Variants in DIS3 observed in about 807,000 individuals in gnomAD.
The protein encoded by DIS3 is exosome complex exonuclease RRP44.
DIS3 carries 103 observed loss-of-function variants against 113.0 expected under a neutral mutation model. That is an observed-to-expected ratio of 0.91 (90% CI 0.78 to 1.07). The LOEUF (loss-of-function observed/expected upper bound fraction) is 1.07, where lower values mean the gene tolerates loss of function less well. Among genes scored for constraint, DIS3 ranks in the 50% least tolerant of loss-of-function variants. DIS3 has a pLI of 0.00. For synonymous variants in DIS3, 402 were observed against 394.3 expected (o/e 1.02, Z -0.23); for missense variants, 1,121 against 1,167.1 (o/e 0.96, Z 0.58).
At chr13:72,762,601 T>C (rs1202406467) in intron 16 of DIS3, among the ~76,000 whole-genome samples, 4 of 152,074 alleles carry the variant, frequency 2.6e-5, no homozygotes, top group Admixed American at 6.5e-5. Flanking sequence ...AGCTCTCTTC[T>C]AGATGGGAAG....
intron 16 of DIS3, among the ~76,000 whole-genome samples, chr13:72,762,525 ATC>A: frequency 6.6e-6 from 1 of 152,198 alleles, no homozygotes; most frequent in Non-Finnish European, 1.5e-5. Flanking sequence ...TAAAGGTCTG[ATC>A]CAAAATCAGA....
chr13:72,772,761 G>A lies in DIS3; in HGVS notation c.1318C>T (p.Pro440Ser), dbSNP rs757109779. ...ACAGCCTGTGAAAAAGGCTGATGGGGAACATCGTGTTCAAGTAACAAAACT... is the reference window on the plus strand; with the variant it reads ...ACAGCCTGTGAAAAAGGCTGATGGGAAACATCGTGTTCAAGTAACAAAACT... ...TEVLLLEHDV[P>S]HQPFSQAVLS... Residue 440 changes from proline to serine, a missense_variant, in exon 9 of 21, where the codon CCC becomes TCC. Pro to Ser is a moderately conservative substitution (Grantham distance 74). Around this residue, in one of 3 missense-constraint regions of DIS3, gnomAD observed 861 missense variants for 915.5 expected, o/e 0.94. Coordinates refer to ENST00000377767, the MANE Select transcript of DIS3 (RefSeq NM_014953.5). 8.7e-6 allele frequency: 14 copies of A among 1,613,510 alleles called. No individual in the cohort carries two copies. The highest frequency in any genetic ancestry group is 3.3e-4 in the Middle Eastern group (2 of 6,058).
In DIS3 at chr13:72,781,729, C is replaced by T. The variant is rs2034241251; in HGVS notation, c.104G>A (p.Gly35Glu). Reference protein sequence around the residue: ...LRDDIGCGAPGCAACGGAHEG... With the variant: ...LRDDIGCGAPECAACGGAHEG... ...GTGCGCCCCTCCACACGCTGCGCAC[C>T]CGGGCGCACCGCAGCCGATGTCGTC... is the stretch of plus-strand genomic sequence containing the variant. Residue 35 changes from glycine (G) to glutamate (E), a missense_variant, in exon 1 of 21, where the codon GGG becomes GAG. By Grantham distance (98) the Gly-to-Glu change is moderately conservative (BLOSUM62 -2). This residue lies in a region of DIS3 where 254 missense variants were observed against 232.2 expected (regional missense o/e 1.09). Transcript: ENST00000377767. The T allele has an allele frequency of 3.8e-6, 6 of 1,584,266 alleles. No homozygotes were observed. The highest frequency in any genetic ancestry group is 2.3e-5 in the East Asian group (1 of 43,050).
rs2138109765 is a variant in DIS3 at position 72,752,673 on chromosome 13, C to G, written c.*7122G>C. ...ACAAGGCTTTTCCCCAAAAATGTTA[C>G]ACATCACAAGGCTTTTGTTCTAATT... On this transcript the variant is annotated 3_prime_UTR_variant, in exon 21 of 21. Coordinates refer to ENST00000377767, the MANE Select transcript of DIS3 (RefSeq NM_014953.5). 1 of 152,276 alleles carries G rather than the reference C, an allele frequency of 6.6e-6. No individual in the cohort carries two copies. Among genetic ancestry groups the G allele is most frequent in the Admixed American group, 6.5e-5 (1 of 15,300 alleles). 9.4% of individuals were successfully genotyped at this position (152,276 alleles called of 1,614,324 possible).
intron 19 of DIS3, 144 bp from the exon 20 acceptor site, chr13:72,760,795 A>G: frequency 1.1e-6 from 1 of 911,384 alleles, no homozygotes; most frequent in East Asian, 2.8e-5. Context: ...AAAGGCCACA[A>G]ACCTAGTAGT....
At position 72,780,812 on chromosome 13, in the gene DIS3, G is replaced by A; in HGVS notation, c.386+34C>T. ...CTCTCCCGAATTTTGCTAATCCTGT[G>A]GTTTTCTGATATTTAACGTAATATT... On this transcript the variant is annotated intron_variant, in intron 2 of 20. Coordinates refer to ENST00000377767, the MANE Select transcript of DIS3 (RefSeq NM_014953.5). 11 of 1,562,570 alleles carry A rather than the reference G, an allele frequency of 7.0e-6. No individual in the cohort carries two copies. The Middle Eastern group carries it at 1.9e-3, about 269-fold the overall frequency.
rs770322886 is a variant in DIS3 at position 72,777,443 on chromosome 13, G to C, written c.631C>G (p.Leu211Val). Residue 211 changes from leucine to valine, a missense_variant, in exon 4 of 21, where the codon CTT becomes GTT. By Grantham distance (32) the Leu-to-Val change is conservative (BLOSUM62 1). Coordinates refer to ENST00000377767, the MANE Select transcript of DIS3 (RefSeq NM_014953.5). ...ACCCCTTCTTCAGACAAACAAGCAA[G>C]ACGATCTATGAGTTCGGGGTTAGCA... is the stretch of plus-strand genomic sequence containing the variant. Reference protein sequence around the residue: ...LTANPELIDRLACLSEEGNEI... With the variant: ...LTANPELIDRVACLSEEGNEI... 2 of 1,614,036 alleles carry C rather than the reference G, an allele frequency of 1.2e-6. No homozygotes were observed. The highest frequency in any genetic ancestry group is 1.7e-5 in the Admixed American group (1 of 60,000).
chr13:72,776,669 C>T (rs2034025133), intron 4 of DIS3, among the ~76,000 whole-genome samples: 1 of 152,070 alleles, frequency 6.6e-6, no homozygotes, highest in Non-Finnish European at 1.5e-5. Flanking sequence ...CTTATTTGAT[C>T]CTTATAACAA....
upstream of DIS3, chr13:72,781,900 C>CGTCAATCTA: frequency 7.3e-7 from 1 of 1,364,004 alleles, no homozygotes; most frequent in Non-Finnish European, 9.8e-7. Flanking sequence ...ATCTAGAATA[C>CGTCAATCTA]GCCTAACCCC....
rs751340932 is a variant in DIS3, at chr13:72,772,746, A to C, written c.1333T>G (p.Ser445Ala). The C allele has an allele frequency of 1.9e-5, 31 of 1,612,698 alleles. No homozygotes were observed. Among genetic ancestry groups the C allele is most frequent in the Non-Finnish European group, 2.5e-5 (30 of 1,179,556 alleles). ...GGCAGAAAACTAAGAACAGCCTGTG[A>C]AAAAGGCTGATGGGGAACATCGTGT... is the stretch of plus-strand genomic sequence containing the variant. ...LEHDVPHQPF[S>A]QAVLSFLPKM... Residue 445 changes from serine to alanine, a missense_variant, in exon 9 of 21, where the codon TCA becomes GCA. Physicochemically the swap from Ser to Ala is moderately conservative, Grantham distance 99. Coordinates refer to ENST00000377767, the MANE Select transcript of DIS3 (RefSeq NM_014953.5).
intron 6 of DIS3, among the ~76,000 whole-genome samples, chr13:72,774,598 A>C (rs747020733): frequency 1.3e-5 from 2 of 152,162 alleles, no homozygotes; most frequent in Non-Finnish European, 2.9e-5. Flanking sequence ...CTCCATGGAT[A>C]ATTTTATAGT....
At position 72,759,614 on chromosome 13, in the gene DIS3, G is replaced by C. The variant is rs12873395; in HGVS notation, c.*181C>G. 4,475 of 545,714 alleles carry C rather than the reference G, an allele frequency of 8.2e-3. 29 individuals carry two copies. Among genetic ancestry groups the C allele is most frequent in the Non-Finnish European group, 0.012 (3,681 of 307,270 alleles). The allele number at this position is 545,714 out of a possible 1,614,324, so 33.8% of individuals were successfully genotyped here. On this transcript the variant is annotated 3_prime_UTR_variant, in exon 21 of 21. Transcript: ENST00000377767. ...TGCATAAATAATTCTGTTCAACCCA[G>C]AAGTATAGTAGTATGATGGGTCAGA... is the stretch of plus-strand genomic sequence containing the variant.
At chr13:72,771,021 G>A in intron 12 of DIS3, 33 bp from the exon 13 acceptor site, 1 of 1,606,110 alleles carries the variant, frequency 6.2e-7, no homozygotes, top group Non-Finnish European at 8.5e-7. Context: ...TTTGTTAATG[G>A]GAATCAGGTT....
At position 72,761,330 on chromosome 13, in the gene DIS3, C is replaced by G. The variant is rs183364285; in HGVS notation, c.2670+33G>C. 3.5e-4 allele frequency: 552 copies of G among 1,565,492 alleles called. 3 individuals are homozygous for G. The African/African-American group carries it at 6.7e-3, about 19-fold the overall frequency. On this transcript the variant is annotated intron_variant, in intron 19 of 20. Coordinates refer to ENST00000377767, the MANE Select transcript of DIS3 (RefSeq NM_014953.5). ...GAACTCTCAAAGAAAAAGTGCCCCC[C>G]GGAAAAGAAAACAAACATGAGAAAT...
Position 72,778,082 on chromosome 13 carries a change from C to T in DIS3, c.580+105G>A, listed in dbSNP as rs567106980. ...AAATATCACATGAAGTTATATAGGA[C>T]TACGAAAATACTAAATAGTAAAGTG... On this transcript the variant is annotated intron_variant, in intron 3 of 20. Coordinates refer to ENST00000377767, the MANE Select transcript of DIS3 (RefSeq NM_014953.5). The T allele has an allele frequency of 4.9e-5, 50 of 1,014,052 alleles. No individual in the cohort carries two copies. In the African/African-American group the frequency reaches 7.3e-4, roughly 15 times the overall value. 62.8% of individuals were successfully genotyped at this position (1,014,052 alleles called of 1,614,324 possible). A position where few individuals can be genotyped will look rare whatever the true frequency, so the allele number is the denominator to read the frequency against.
At position 72,766,034 on chromosome 13, in the gene DIS3, T is replaced by C; in HGVS notation, c.1908A>G (p.Glu636=). The C allele has an allele frequency of 1.2e-6, 2 of 1,611,670 alleles. No individual in the cohort carries two copies. The highest frequency in any genetic ancestry group is 2.2e-5 in the East Asian group (1 of 44,820). ...EKGALTLSSP[E]VRFHMDSETH... is the part of the protein sequence containing the mutation. ...TTTCACTGTCCATGTGGAATCGAAC[T>C]TCAGGAGAGGATAGAGTCAAAGCCC... Residue 636 remains glutamate, a synonymous_variant, in exon 15 of 21, where the codon GAA becomes GAG. Transcript: ENST00000377767.
rs542806895 is a variant in DIS3, at chr13:72,774,222, G to C, written c.988-163C>G. ...GTTTCAACATTCTAGACAAGAACAT[G>C]CATGCCAAACCAAACCACAGACATT... On this transcript the variant is annotated intron_variant, in intron 6 of 20. Transcript: ENST00000377767. Among the ~76,000 whole-genome samples the C allele has an allele frequency of 2.6e-5, 4 of 152,230 alleles. No individual in the cohort carries two copies. In the East Asian group the frequency reaches 5.8e-4, roughly 22 times the overall value.
intron 15 of DIS3, among the ~76,000 whole-genome samples, 185 bp from the exon 16 acceptor site, chr13:72,763,792 G>A (rs113363714): frequency 0.012 from 1,877 of 152,078 alleles, 42 homozygotes; most frequent in African/African-American, 0.041. Context: ...CAGTTACTCC[G>A]CTAACAATCT....
rs1410001093 is a variant in DIS3 at position 72,772,346 on chromosome 13, T to C, written c.1387-71A>G. On this transcript the variant is annotated intron_variant, in intron 9 of 20. Transcript: ENST00000377767. ...AACTACAACATATTAATAGCTCTTGTGAAATCAGTAATATGTATACAAAAA... is the reference window on the plus strand; with the variant it reads ...AACTACAACATATTAATAGCTCTTGCGAAATCAGTAATATGTATACAAAAA... 15 of 1,184,302 alleles carry C rather than the reference T, an allele frequency of 1.3e-5. No homozygotes were observed. The East Asian group carries it at 3.0e-4, about 24-fold the overall frequency. 73.4% of individuals were successfully genotyped at this position (1,184,302 alleles called of 1,614,324 possible).
Sources: gnomAD v4.1 joint callset for allele counts (sites outside exome capture counted in the v4.1 genomes callset) on GRCh38, gnomAD v4.1.1 for gene constraint, gnomAD v4.1.1 regional missense constraint, MANE v1.5 for transcripts, NCBI Gene and HGNC (gene_info 2026-07-23, HGNC 2026-07-21) for gene names.